Variants in HEATR4 observed in about 807,000 individuals in gnomAD.
HEATR4 encodes HEAT repeat-containing protein 4.
Under a neutral mutation model 108.8 loss-of-function variants are expected in HEATR4, and 95 were observed. The ratio of observed to expected loss-of-function variants is 0.87; its 90% confidence interval spans 0.74 to 1.04. The LOEUF (loss-of-function observed/expected upper bound fraction) is 1.04, where lower values mean the gene tolerates loss of function less well. HEATR4 is among the 50% of genes least tolerant of loss of function. HEATR4 has a pLI of 0.00. For missense variants in HEATR4, 1,152 were observed against 1,253.8 expected, an observed-to-expected ratio of 0.92 and a Z score of 1.23; for synonymous variants, 443 against 459.4, an observed-to-expected ratio of 0.96 and a Z score of 0.46.
chr14:73,511,520 A>AAAATAAAT lies in HEATR4; in HGVS notation c.1558+478_1558+485dup, dbSNP rs548747393. Among the ~76,000 whole-genome samples, 134 of 141,766 alleles carry AAAATAAAT rather than the reference A, an allele frequency of 9.5e-4. 1 individual carries two copies. The highest frequency in any genetic ancestry group is 2.8e-3 in the South Asian group (12 of 4,302). The allele number at this position is 141,766 out of a possible 152,430, so 93.0% of individuals were successfully genotyped here. A position where few individuals can be genotyped will look rare whatever the true frequency, so the allele number is the denominator to read the frequency against. ...GGTGACAGAGCAAGACTCTGTCTCA[A>AAAATAAAT]AAATAAATAAATAAATAAATAAATA... On this transcript the variant is annotated intron_variant, in intron 7 of 17. Transcript: ENST00000553558.
At chr14:73,624,105 A>C in the HEATR4 span, among the ~76,000 whole-genome samples, 1 of 151,904 alleles carries the variant, frequency 6.6e-6, no homozygotes, top group Non-Finnish European at 1.5e-5. Context: ...TAGACAACAT[A>C]GTGAAACCCT....
chr14:73,570,454 A>G, the HEATR4 span, among the ~76,000 whole-genome samples: 1 of 151,976 alleles, frequency 6.6e-6, no homozygotes, highest in Non-Finnish European at 1.5e-5. Context: ...CTGTAGTCCC[A>G]GCTACTCGGG....
intron 5 of HEATR4, 140 bp downstream of exon 5, chr14:73,518,883 C>T (rs143998885): frequency 2.3e-5 from 16 of 709,432 alleles, no homozygotes; most frequent in African/African-American, 2.2e-4. Context: ...ATTTTTAGTA[C>T]GTAGAAAGGG....
the HEATR4 span, among the ~76,000 whole-genome samples, chr14:73,618,776 A>T: frequency 2.8e-4 from 42 of 152,316 alleles, no homozygotes; most frequent in East Asian, 4.0e-3. Flanking sequence ...TGATTTGCTT[A>T]TTAGAAGACA....
the HEATR4 span, chr14:73,574,909 T>G: frequency 5.0e-6 from 8 of 1,612,952 alleles, no homozygotes; most frequent in Non-Finnish European, 6.8e-6. Context: ...CTTTCTCAGG[T>G]AAAAGGTCCA....
rs751776291 is a variant in HEATR4, at chr14:73,519,131, T to C, written c.1102A>G (p.Lys368Glu). ...EVQIIHQIGA[K>E]RDQIVLENLN... is the part of the protein sequence containing the mutation. Reference sequence around the variant, plus strand: ...TTTTCCAGGACAATCTGGTCTCTCTTTGCACCAATCTGGTGGATGATCTGG... The same window carrying C: ...TTTTCCAGGACAATCTGGTCTCTCTCTGCACCAATCTGGTGGATGATCTGG... Residue 368 changes from lysine to glutamate, a missense_variant, in exon 5 of 18, where the codon AAG becomes GAG. Coordinates refer to ENST00000553558, the MANE Select transcript of HEATR4 (RefSeq NM_001220484.1). 2.5e-6 allele frequency: 4 copies of C among 1,613,742 alleles called. No homozygotes were observed. Among genetic ancestry groups the C allele is most frequent in the Non-Finnish European group, 3.4e-6 (4 of 1,179,844 alleles).
intron 1 of HEATR4, chr14:73,543,231 G>C (rs375253960): frequency 6.2e-7 from 1 of 1,602,048 alleles, no homozygotes; most frequent in Non-Finnish European, 8.5e-7. Flanking sequence ...AACAGAAATC[G>C]CATCAAGGTG....
chr14:73,603,036 T>A, the HEATR4 span, among the ~76,000 whole-genome samples: 2 of 152,174 alleles, frequency 1.3e-5, no homozygotes, highest in Non-Finnish European at 2.9e-5. Context: ...GTAAAACTAT[T>A]TTTAGTAGTC....
At chr14:73,570,903 TAAAAA>T in the HEATR4 span, among the ~76,000 whole-genome samples, 4 of 137,458 alleles carry the variant, frequency 2.9e-5, no homozygotes, top group African/African-American at 8.1e-5. Context: ...GACTCTATCT[TAAAAA>T]AAAAAAAAAA....
chr14:73,525,654 C>A (rs927185634), intron 2 of HEATR4, among the ~76,000 whole-genome samples: 1 of 152,114 alleles, frequency 6.6e-6, no homozygotes, highest in Admixed American at 6.6e-5. Flanking sequence ...ACTGTCCCCA[C>A]AAGGAAAGCA....
chr14:73,612,746 G>A, the HEATR4 span: 7 of 1,370,652 alleles, frequency 5.1e-6, no homozygotes, highest in African/African-American at 1.1e-4. Context: ...CGCCCGCGAC[G>A]AGCTGGACCT....
intron 17 of HEATR4, among the ~76,000 whole-genome samples, chr14:73,487,631 C>T (rs1395478897): frequency 6.6e-6 from 1 of 152,108 alleles, no homozygotes; most frequent in South Asian, 2.1e-4. Flanking sequence ...CTTGTAATCC[C>T]AGGGCAGTGT....
chr14:73,590,655 C>T, the HEATR4 span, among the ~76,000 whole-genome samples: 71 of 152,166 alleles, frequency 4.7e-4, no homozygotes, highest in Non-Finnish European at 7.5e-4. Context: ...GCTGAGAAAT[C>T]GAGCACAGCA....
At chr14:73,615,827 G>T in the HEATR4 span, among the ~76,000 whole-genome samples, 1 of 152,122 alleles carries the variant, frequency 6.6e-6, no homozygotes, top group South Asian at 2.1e-4. Flanking sequence ...CGAGGTGGGA[G>T]CATTGCAGTG....
chr14:73,534,914 TG>T (rs1476701157), intron 1 of HEATR4, among the ~76,000 whole-genome samples: 2 of 110,710 alleles, frequency 1.8e-5, no homozygotes, highest in African/African-American at 5.9e-5. Flanking sequence ...CCCTAACAGC[TG>T]GAACTACAGG....
chr14:73,566,747 G>A, the HEATR4 span, among the ~76,000 whole-genome samples: 6 of 151,790 alleles, frequency 4.0e-5, no homozygotes, highest in South Asian at 6.2e-4. Context: ...TGAGGGAGAC[G>A]GCTCCGGCCT....
the HEATR4 span, chr14:73,567,838 C>T: frequency 2.6e-5 from 4 of 152,178 alleles, no homozygotes; most frequent in Non-Finnish European, 4.4e-5. Flanking sequence ...TAACACTCAC[C>T]TTGAAGGTCT....
chr14:73,485,153 A>C (rs939273195), intron 17 of HEATR4, among the ~76,000 whole-genome samples: 1 of 151,968 alleles, frequency 6.6e-6, no homozygotes, highest in Admixed American at 6.6e-5. Context: ...GACAGAGGGA[A>C]ACTCTGTCTC....
chr14:73,540,306 T>A (rs1401169758), intron 1 of HEATR4, among the ~76,000 whole-genome samples: 1 of 151,036 alleles, frequency 6.6e-6, no homozygotes, highest in Non-Finnish European at 1.5e-5. Context: ...AAGAGCAAAG[T>A]CAACTGGAAA....
Sources: allele counts gnomAD v4.1 joint callset (sites outside exome capture counted in the v4.1 genomes callset), GRCh38; gene constraint gnomAD v4.1.1; transcripts MANE v1.5; gene names NCBI Gene and HGNC (gene_info 2026-07-23, HGNC 2026-07-21).